PIWIL3: variants seen among roughly 807,000 people sequenced by gnomAD.
PIWIL3 encodes piwi-like protein 3.
In PIWIL3, 101 loss-of-function variants were observed where a neutral mutation model predicts 109.7. That is an observed-to-expected ratio of 0.92 (90% CI 0.78 to 1.09). The LOEUF (loss-of-function observed/expected upper bound fraction) is 1.09, where lower values mean the gene tolerates loss of function less well. PIWIL3 is among the 50% of genes least tolerant of loss of function. PIWIL3 has a pLI of 0.00. For missense variants in PIWIL3, 1,031 were observed against 1,072.6 expected, an observed-to-expected ratio of 0.96 and a Z score of 0.54; for synonymous variants, 373 against 376.4, an observed-to-expected ratio of 0.99 and a Z score of 0.10.
At chr22:24,723,817 G>T (rs1009173024) in intron 18 of PIWIL3, among the ~76,000 whole-genome samples, 1 of 152,128 alleles carries the variant, frequency 6.6e-6, no homozygotes, top group Non-Finnish European at 1.5e-5. Context: ...TGGTATTACA[G>T]GTGTGCACCA....
intron 3 of PIWIL3, among the ~76,000 whole-genome samples, chr22:24,759,216 C>T (rs1925270111): frequency 6.6e-6 from 1 of 152,186 alleles, no homozygotes; most frequent in Admixed American, 6.5e-5. Flanking sequence ...TTAATAACAA[C>T]CCTTCAGATA....
At chr22:24,754,704 T>C in intron 7 of PIWIL3, 80 bp downstream of exon 7, 1 of 1,209,624 alleles carries the variant, frequency 8.3e-7, no homozygotes, top group Non-Finnish European at 1.2e-6. Flanking sequence ...GCATACCACT[T>C]CAAATATGAA....
chr22:24,726,966 C>A (rs1424153021), intron 16 of PIWIL3, among the ~76,000 whole-genome samples: 2 of 152,168 alleles, frequency 1.3e-5, no homozygotes, highest in Non-Finnish European at 2.9e-5. Flanking sequence ...GGTTTCTACT[C>A]TGAGAACAGA....
chr22:24,770,672 A>AC (rs1352458166), intron 1 of PIWIL3, among the ~76,000 whole-genome samples: 1 of 132,686 alleles, frequency 7.5e-6, no homozygotes, highest in Non-Finnish European at 1.6e-5. Context: ...AAAAAAAAAA[A>AC]AAAAAAACAA....
chr22:24,727,658 T>C (rs936970832), intron 16 of PIWIL3, among the ~76,000 whole-genome samples: 6 of 152,180 alleles, frequency 3.9e-5, no homozygotes, highest in African/African-American at 1.4e-4. Context: ...CCTGAGAGCG[T>C]GAACTACCAG....
chr22:24,749,050 CA>C, intron 11 of PIWIL3, 29 bp from the exon 12 acceptor site: 1 of 1,535,230 alleles, frequency 6.5e-7, no homozygotes. Context: ...CCAACATGAT[CA>C]AACCAAATAA....
At chr22:24,726,401 G>A (rs2147651068) in intron 16 of PIWIL3, among the ~76,000 whole-genome samples, 1 of 151,734 alleles carries the variant, frequency 6.6e-6, no homozygotes, top group Non-Finnish European at 1.5e-5. Context: ...TCCTACCTCA[G>A]CCTCCTAAGT....
intron 2 of PIWIL3, among the ~76,000 whole-genome samples, chr22:24,760,437 G>A (rs1925359843): frequency 6.6e-6 from 1 of 152,138 alleles, no homozygotes. Context: ...AGAGATGTCA[G>A]TGAGATGAAG....
At chr22:24,765,618 A>G (rs2147727124) in intron 1 of PIWIL3, among the ~76,000 whole-genome samples, 1 of 152,280 alleles carries the variant, frequency 6.6e-6, no homozygotes, top group African/African-American at 2.4e-5. Context: ...GGATAATGAA[A>G]TAATCAGTGA....
chr22:24,728,885 T>C (rs1923155881), intron 14 of PIWIL3, among the ~76,000 whole-genome samples: 1 of 152,020 alleles, frequency 6.6e-6, no homozygotes, highest in Admixed American at 6.6e-5. Flanking sequence ...GGACTATCAC[T>C]GAGAGAGGAG....
At chr22:24,762,205 G>A in intron 2 of PIWIL3, 193 bp downstream of exon 2, 4 of 1,022,488 alleles carry the variant, frequency 3.9e-6, no homozygotes, top group Non-Finnish European at 5.1e-6. Flanking sequence ...TGAGAAGGAA[G>A]CAGTGGAGAG....
chr22:24,726,518 C>A (rs768755481), intron 16 of PIWIL3, among the ~76,000 whole-genome samples: 2 of 152,188 alleles, frequency 1.3e-5, no homozygotes, highest in African/African-American at 4.8e-5. Flanking sequence ...ATCTCCTGAC[C>A]TTGTGATCTG....
chr22:24,735,976 T>C, intron 12 of PIWIL3, 84 bp from the exon 13 acceptor site: 1 of 1,106,404 alleles, frequency 9.0e-7, no homozygotes, highest in Non-Finnish European at 1.3e-6. Flanking sequence ...AAATCCGTGC[T>C]ATCTCCTATA....
intron 1 of PIWIL3, among the ~76,000 whole-genome samples, chr22:24,763,578 G>A (rs117527264): frequency 0.046 from 7,012 of 152,242 alleles, 249 homozygotes; most frequent in South Asian, 0.1. Context: ...GCGATTACGG[G>A]CGTGAACCAC....
intron 3 of PIWIL3, among the ~76,000 whole-genome samples, chr22:24,759,290 G>A (rs1365803921): frequency 6.6e-6 from 1 of 152,144 alleles, no homozygotes; most frequent in Non-Finnish European, 1.5e-5. Flanking sequence ...TATAGGTTCT[G>A]GATTTTGTAA....
At chr22:24,736,431 T>C (rs985143764) in intron 12 of PIWIL3, among the ~76,000 whole-genome samples, 5 of 152,250 alleles carry the variant, frequency 3.3e-5, no homozygotes, top group Non-Finnish European at 7.3e-5. Context: ...TGCCTCCTCA[T>C]ACTGTTCTAT....
chr22:24,747,382 G>A lies in PIWIL3; in HGVS notation c.1449+1525C>T, dbSNP rs977708312. Among the ~76,000 whole-genome samples, 8 of 152,102 alleles carry A rather than the reference G, an allele frequency of 5.3e-5. No individual in the cohort carries two copies. The East Asian group carries it at 1.5e-3, about 29-fold the overall frequency. On this transcript the variant is annotated intron_variant, in intron 12 of 20. Transcript: ENST00000616349. ...AAGAAAACATTGGGGAAACTCTCCAGGACATTAGAGTGAGCAAAGATTTCT... is the reference window on the plus strand; with the variant it reads ...AAGAAAACATTGGGGAAACTCTCCAAGACATTAGAGTGAGCAAAGATTTCT...
chr22:24,765,039 C>T (rs539239996), intron 1 of PIWIL3, among the ~76,000 whole-genome samples: 1 of 152,260 alleles, frequency 6.6e-6, no homozygotes, highest in South Asian at 2.1e-4. Flanking sequence ...GCCAGTTGTC[C>T]TGTGGACAAC....
At chr22:24,752,396 C>T (rs1220237670) in intron 8 of PIWIL3, among the ~76,000 whole-genome samples, 1 of 152,134 alleles carries the variant, frequency 6.6e-6, no homozygotes, top group Non-Finnish European at 1.5e-5. Context: ...ATGGAGATCA[C>T]ATCTGCATAA....
Sources: gnomAD v4.1 joint callset for allele counts (sites outside exome capture counted in the v4.1 genomes callset) on GRCh38, gnomAD v4.1.1 for gene constraint, MANE v1.5 for transcripts, NCBI Gene and HGNC (gene_info 2026-07-23, HGNC 2026-07-21) for gene names.